Variants in CPLANE1 observed in about 807,000 individuals in gnomAD.
The protein encoded by CPLANE1 is ciliogenesis and planar polarity effector complex subunit 1, also known as ciliogenesis and planar polarity effector 1.
Under a neutral mutation model 362.5 loss-of-function variants are expected in CPLANE1, and 263 were observed. That is an observed-to-expected ratio of 0.73 (90% CI 0.66 to 0.80). The LOEUF (loss-of-function observed/expected upper bound fraction) is 0.80. Among genes scored for constraint, CPLANE1 ranks in the 30% least tolerant of loss-of-function variants. CPLANE1 has a pLI of 0.00. For missense variants in CPLANE1, 3,461 were observed against 3,793.4 expected (o/e 0.91, Z 2.30); for synonymous variants, 1,212 against 1,302.6 (o/e 0.93, Z 1.50).
chr5:37,138,026 G>A lies in CPLANE1; in HGVS notation c.8792+694C>T, dbSNP rs531764487. Among the ~76,000 whole-genome samples, 10 of 152,086 alleles carry A rather than the reference G, an allele frequency of 6.6e-5. No homozygotes were observed. The East Asian group carries it at 1.5e-3, about 24-fold the overall frequency. On this transcript the variant is annotated intron_variant, in intron 46 of 52. Coordinates refer to ENST00000651892, the MANE Select transcript of CPLANE1 (RefSeq NM_001384732.1). Reference sequence around the variant, plus strand: ...AAAGAATGTATATTCTGTGGTTGATGGGTGGAGCGTTCTACAGATGTTTAT... The same window carrying A: ...AAAGAATGTATATTCTGTGGTTGATAGGTGGAGCGTTCTACAGATGTTTAT...
the CPLANE1 span, among the ~76,000 whole-genome samples, chr5:37,076,022 T>C: frequency 6.6e-6 from 1 of 152,046 alleles, no homozygotes; most frequent in Non-Finnish European, 1.5e-5. Context: ...GATGGGAGGA[T>C]TGCTTGAGCC....
intron 42 of CPLANE1, among the ~76,000 whole-genome samples, chr5:37,149,170 T>C (rs1325972964): frequency 6.6e-6 from 1 of 152,190 alleles, no homozygotes; most frequent in East Asian, 1.9e-4. Flanking sequence ...CCCTGGGAGA[T>C]ATGTTCCAAG....
intron 5 of CPLANE1, among the ~76,000 whole-genome samples, chr5:37,243,656 T>C (rs1463806887): frequency 2.0e-5 from 3 of 147,198 alleles, no homozygotes; most frequent in Non-Finnish European, 4.5e-5. Context: ...TCTCTCTATA[T>C]ATAATATATA....
intron 49 of CPLANE1, 63 bp downstream of exon 49, chr5:37,121,554 C>T: frequency 6.7e-7 from 1 of 1,483,166 alleles, no homozygotes; most frequent in Admixed American, 1.7e-5. Context: ...CACGAAAGTG[C>T]TACATTTCTT....
the CPLANE1 span, among the ~76,000 whole-genome samples, chr5:37,097,627 G>A: frequency 6.6e-6 from 1 of 152,178 alleles, no homozygotes; most frequent in Non-Finnish European, 1.5e-5. Context: ...TACAAGGGAC[G>A]TCTCATCAGA....
rs1039658789 is a variant in CPLANE1, at chr5:37,170,419, T to C, written c.6172-88A>G. 16 of 1,260,272 alleles carry C rather than the reference T, an allele frequency of 1.3e-5. No homozygotes were observed. In the African/African-American group the frequency reaches 1.5e-4, roughly 12 times the overall value. 78.1% of individuals were successfully genotyped at this position (1,260,272 alleles called of 1,614,324 possible). On this transcript the variant is annotated intron_variant, in intron 32 of 52. Coordinates refer to ENST00000651892, the MANE Select transcript of CPLANE1 (RefSeq NM_001384732.1). ...CAATAATCATCTGAGTATTCTACAA[T>C]AGTCACACGTTTGTCTTAATATCTA...
intron 21 of CPLANE1, among the ~76,000 whole-genome samples, chr5:37,191,391 C>T (rs928810136): frequency 1.3e-5 from 2 of 151,964 alleles, no homozygotes; most frequent in Non-Finnish European, 2.9e-5. Context: ...AAAAATTAGG[C>T]CAGGTGCAGT....
chr5:37,082,093 C>CAA, the CPLANE1 span, among the ~76,000 whole-genome samples: 19 of 92,484 alleles, frequency 2.1e-4, no homozygotes, highest in African/African-American at 6.0e-4. Flanking sequence ...AACTCCGTAT[C>CAA]AAAAAAAAAA....
chr5:37,195,974 G>A lies in CPLANE1; in HGVS notation c.3695C>T (p.Pro1232Leu). 1.2e-6 allele frequency: 2 copies of A among 1,604,874 alleles called. No homozygotes were observed. The highest frequency in any genetic ancestry group is 1.7e-6 in the Non-Finnish European group (2 of 1,177,154). ...TGACTGAGGAAAAGGACTCAGTGAA[G>A]GAAGGGATCCTTTCATTCGAATCTA... ...MQKIRMKGSL[P>L]SLSPFPQSLL... Residue 1232 changes from proline to leucine, a missense_variant, in exon 21 of 53, where the codon CCT becomes CTT. This residue lies in a region of CPLANE1 where 3,380 missense variants were observed against 3,666.1 expected (regional missense o/e 0.92). Coordinates refer to ENST00000651892, the MANE Select transcript of CPLANE1 (RefSeq NM_001384732.1).
At chr5:37,132,950 T>G (rs1766409296) in intron 46 of CPLANE1, among the ~76,000 whole-genome samples, 1 of 152,232 alleles carries the variant, frequency 6.6e-6, no homozygotes, top group Middle Eastern at 3.2e-3. Flanking sequence ...AATTTTTGTA[T>G]ATGGTGAAAG....
At chr5:37,243,149 A>C in intron 5 of CPLANE1, 30 bp from the exon 6 acceptor site, 17 of 1,258,740 alleles carry the variant, frequency 1.4e-5, no homozygotes, top group Non-Finnish European at 1.8e-5. Flanking sequence ...ACTTTAGTAT[A>C]AAATTAATCT....
At chr5:37,096,560 C>A in the CPLANE1 span, among the ~76,000 whole-genome samples, 21,591 of 152,058 alleles carry the variant, frequency 0.14, 1,750 homozygotes, top group African/African-American at 0.21. Flanking sequence ...ATAGCTGGGT[C>A]TTAATTAAAC....
At position 37,227,344 on chromosome 5, in the gene CPLANE1, T is replaced by TGA. The variant is rs2150448548; in HGVS notation, c.1419_1420insTC (p.Leu475AlafsTer3). ...TCATTTCCTTGGTGTTCTAACAGGC[T>TGA]AGACCTTAGGGAATTCAGTGATCGC... On this transcript the variant is annotated frameshift_variant, in exon 11 of 53. Transcript: ENST00000651892. 1 of 1,551,862 alleles carries TGA rather than the reference T, an allele frequency of 6.4e-7. No homozygotes were observed. Among genetic ancestry groups the TGA allele is most frequent in the Non-Finnish European group, 8.7e-7 (1 of 1,146,938 alleles).
At chr5:37,095,501 G>A in the CPLANE1 span, among the ~76,000 whole-genome samples, 1 of 152,114 alleles carries the variant, frequency 6.6e-6, no homozygotes, top group Non-Finnish European at 1.5e-5. Flanking sequence ...AAAGTCGAAA[G>A]CATTCCCTCT....
intron 15 of CPLANE1, among the ~76,000 whole-genome samples, chr5:37,219,231 A>T (rs958642216): frequency 6.6e-6 from 1 of 152,094 alleles, no homozygotes; most frequent in Non-Finnish European, 1.5e-5. Flanking sequence ...AATAATTTTT[A>T]AAAATTAGCC....
In CPLANE1 at chr5:37,121,771, C is replaced by T. The variant is rs200358545; in HGVS notation, c.9031G>A (p.Glu3011Lys). The part of the protein sequence containing the change: ...KHEKDRLLLS[E>K]HYSRRISQAY... Reference sequence around the variant, plus strand: ...TGTGAGATTCGACGACTATAGTGTTCAGAGAGCAGCAATCTGTAGACAAAG... The same window carrying T: ...TGTGAGATTCGACGACTATAGTGTTTAGAGAGCAGCAATCTGTAGACAAAG... The change falls in exon 49 of 53, where the codon GAA (glutamate) becomes AAA (lysine). Residue 3011 changes from glutamate to lysine, a missense_variant. By Grantham distance (56) the Glu-to-Lys change is moderately conservative. Transcript: ENST00000651892. 5.9e-5 allele frequency: 95 copies of T among 1,613,266 alleles called. No individual in the cohort carries two copies. Among genetic ancestry groups the T allele is most frequent in the Non-Finnish European group, 7.2e-5 (85 of 1,179,484 alleles).
chr5:37,187,133 T>C (rs1045619542), intron 23 of CPLANE1, among the ~76,000 whole-genome samples: 1 of 150,942 alleles, frequency 6.6e-6, no homozygotes, highest in African/African-American at 2.4e-5. Flanking sequence ...CTTATTCATC[T>C]TGTAACTGAA....
At chr5:37,153,342 G>C (rs955340489) in intron 42 of CPLANE1, among the ~76,000 whole-genome samples, 2 of 152,102 alleles carry the variant, frequency 1.3e-5, no homozygotes, top group African/African-American at 4.8e-5. Context: ...ATAGAAGAGA[G>C]GGTAATATTT....
At chr5:37,102,015 CAATT>C (rs1451568776), downstream of CPLANE1, among the ~76,000 whole-genome samples, 2 of 146,480 alleles carry the variant, frequency 1.4e-5, no homozygotes, top group African/African-American at 5.1e-5. Context: ...AGCTAGCAGT[CAATT>C]AATTTTTTCA....
Sources: allele counts gnomAD v4.1 joint callset (sites outside exome capture counted in the v4.1 genomes callset), GRCh38; gene constraint gnomAD v4.1.1; regional missense constraint gnomAD v4.1.1; transcripts MANE v1.5; gene names NCBI Gene and HGNC (gene_info 2026-07-23, HGNC 2026-07-21).